Variants in SMCHD1 observed in about 807,000 individuals in gnomAD.
The protein encoded by SMCHD1 is structural maintenance of chromosomes flexible hinge domain containing 1.
Under a neutral mutation model 254.7 loss-of-function variants are expected in SMCHD1, and 78 were observed. The ratio of observed to expected loss-of-function variants is 0.31; its 90% confidence interval spans 0.26 to 0.37. The LOEUF is 0.37. Ranked by LOEUF, SMCHD1 falls within the 10% of genes least tolerant of loss-of-function variation. The pLI, the probability that SMCHD1 is intolerant of heterozygous loss-of-function variation, is 1.00. For synonymous variants in SMCHD1, 766 were observed against 794.9 expected, an observed-to-expected ratio of 0.96 and a Z score of 0.61; for missense variants, 1,840 against 2,408.1, an observed-to-expected ratio of 0.76 and a Z score of 4.94.
At chr18:2,728,326 G>A in intron 22 of SMCHD1, 131 bp from the exon 23 acceptor site, 2 of 840,838 alleles carry the variant, frequency 2.4e-6, no homozygotes, top group Non-Finnish European at 3.7e-6. Context: ...CATGGACATT[G>A]CCTATATTTT....
Position 2,706,312 on chromosome 18 carries a change from C to T in SMCHD1, c.1957-52C>T, listed in dbSNP as rs1052747346. 1.2e-5 allele frequency: 15 copies of T among 1,255,662 alleles called. No individual in the cohort carries two copies. In the South Asian group the frequency reaches 1.9e-4, roughly 16 times the overall value. 77.8% of individuals were successfully genotyped at this position (1,255,662 alleles called of 1,614,324 possible). ...AACAAATGGGTGTTTGTTTTTATTA[C>T]AGCTAGATTTAAATAGTTTTCTTTG... On this transcript the variant is annotated intron_variant, in intron 14 of 47. Coordinates refer to ENST00000320876, the MANE Select transcript of SMCHD1 (RefSeq NM_015295.3).
rs551628519 is a variant in SMCHD1 at position 2,710,403 on chromosome 18, C to T, written c.2260+2483C>T. Among the ~76,000 whole-genome samples, 5 of 152,230 alleles carry T rather than the reference C, an allele frequency of 3.3e-5. 1 individual carries two copies. The highest frequency in any genetic ancestry group is 9.6e-5 in the African/African-American group (4 of 41,544). On this transcript the variant is annotated intron_variant, in intron 17 of 47. Coordinates refer to ENST00000320876, the MANE Select transcript of SMCHD1 (RefSeq NM_015295.3). ...GGAGATTCCCTATGAATGTAGGATGCGTTTTTCTATTTCTGCAGAAAACAC... is the reference window on the plus strand; with the variant it reads ...GGAGATTCCCTATGAATGTAGGATGTGTTTTTCTATTTCTGCAGAAAACAC...
intron 15 of SMCHD1, 157 bp downstream of exon 15, chr18:2,706,627 G>A: frequency 2.2e-6 from 1 of 464,808 alleles, no homozygotes; most frequent in South Asian, 3.8e-5. Flanking sequence ...AAAATTAAGA[G>A]GTCTAGTTAT....
intron 47 of SMCHD1, 52 bp from the exon 48 acceptor site, chr18:2,802,476 G>A (rs2076381154): frequency 2.1e-6 from 3 of 1,455,674 alleles, no homozygotes; most frequent in Admixed American, 2.1e-5. Context: ...GGGAATTCAG[G>A]GAAAGGAAAC....
chr18:2,662,072 T>C (rs2073280900), intron 1 of SMCHD1, among the ~76,000 whole-genome samples: 1 of 141,542 alleles, frequency 7.1e-6, no homozygotes. Flanking sequence ...GGCAGGAGAA[T>C]GGCGTGAACC....
intron 39 of SMCHD1, among the ~76,000 whole-genome samples, 168 bp downstream of exon 39, chr18:2,770,276 GAAGT>G (rs899507840): frequency 1.3e-5 from 2 of 152,176 alleles, no homozygotes; most frequent in African/African-American, 4.8e-5. Flanking sequence ...TTCTTAAGAT[GAAGT>G]ATTTCTTATT....
chr18:2,698,937 G>C (rs1310167097), intron 10 of SMCHD1, among the ~76,000 whole-genome samples: 1 of 151,754 alleles, frequency 6.6e-6, no homozygotes, highest in Non-Finnish European at 1.5e-5. Flanking sequence ...TTTCACTATT[G>C]TTCCTTTTTG....
chr18:2,667,312 C>G (rs2073467730), intron 3 of SMCHD1, among the ~76,000 whole-genome samples: 1 of 152,176 alleles, frequency 6.6e-6, no homozygotes, highest in Non-Finnish European at 1.5e-5. Context: ...CCTGTATACT[C>G]TCTTCTCCTG....
chr18:2,722,584 A>G lies in SMCHD1; in HGVS notation c.2524A>G (p.Asn842Asp). The G allele has an allele frequency of 1.2e-6, 2 of 1,613,360 alleles. No homozygotes were observed. The highest frequency in any genetic ancestry group is 1.7e-6 in the Non-Finnish European group (2 of 1,179,500). Residue 842 changes from asparagine to aspartate, a missense_variant, in exon 20 of 48, where the codon AAT becomes GAT. This residue lies in a region of SMCHD1 where 59 missense variants were observed against 99.2 expected (regional missense o/e 0.59). Coordinates refer to ENST00000320876, the MANE Select transcript of SMCHD1 (RefSeq NM_015295.3). Reference protein sequence around the residue: ...DLPFRVGVPFNIPLEFQDEFG... With the variant: ...DLPFRVGVPFDIPLEFQDEFG... ...TCCTTTTCGTGTTGGAGTTCCATTTAATATCCCTCTGGAGTTTCAGGATGA... is the reference window on the plus strand; with the variant it reads ...TCCTTTTCGTGTTGGAGTTCCATTTGATATCCCTCTGGAGTTTCAGGATGA...
intron 30 of SMCHD1, among the ~76,000 whole-genome samples, chr18:2,748,342 T>TGTGTGTGTGTG (rs2075498296): frequency 3.8e-5 from 3 of 78,462 alleles, no homozygotes; most frequent in African/African-American, 1.7e-4. Context: ...CTTTGCAAAG[T>TGTGTGTGTGTG]TGTGTGTGTG....
Position 2,740,627 on chromosome 18 carries a change from G to A in SMCHD1, c.3515-76G>A, listed in dbSNP as rs521992. On this transcript the variant is annotated intron_variant, in intron 27 of 47. Coordinates refer to ENST00000320876, the MANE Select transcript of SMCHD1 (RefSeq NM_015295.3). ...GAACAAAGAGTAAGTTTCTAAGCAT[G>A]TTTTTATAGTGTATTGTAGATATTT... 256,388 of 659,670 alleles carry A rather than the reference G, an allele frequency of 0.39. 55,189 individuals carry two copies. Among genetic ancestry groups the A allele is most frequent in the Non-Finnish European group, 0.45 (193,480 of 427,326 alleles). 40.9% of individuals were successfully genotyped at this position (659,670 alleles called of 1,614,324 possible).
At chr18:2,716,916 C>T (rs1286520334) in intron 17 of SMCHD1, among the ~76,000 whole-genome samples, 3 of 152,214 alleles carry the variant, frequency 2.0e-5, no homozygotes, top group Admixed American at 2.0e-4. Flanking sequence ...CAGGCCATAC[C>T]CCTCCCAGTC....
At chr18:2,675,264 T>C (rs1363158844) in intron 5 of SMCHD1, among the ~76,000 whole-genome samples, 1 of 142,154 alleles carries the variant, frequency 7.0e-6, no homozygotes, top group Admixed American at 6.9e-5. Context: ...ACCTCAGCCT[T>C]TTTTTTTTTT....
chr18:2,752,725 A>AT, intron 34 of SMCHD1, 173 bp downstream of exon 34: 1 of 541,510 alleles, frequency 1.8e-6, no homozygotes, highest in Non-Finnish European at 3.3e-6. Flanking sequence ...GTTTTTAAGC[A>AT]TTAAATTGGT....
intron 45 of SMCHD1, among the ~76,000 whole-genome samples, chr18:2,795,205 C>T (rs1010584891): frequency 1.3e-5 from 2 of 152,122 alleles, no homozygotes; most frequent in Non-Finnish European, 2.9e-5. Context: ...AGGTGCCCGC[C>T]ACCATGCCCA....
chr18:2,722,836 CAT>C (rs1218451067), intron 20 of SMCHD1, among the ~76,000 whole-genome samples, 173 bp downstream of exon 20: 4 of 152,034 alleles, frequency 2.6e-5, no homozygotes, highest in Non-Finnish European at 5.9e-5. Flanking sequence ...TGACTAGTGT[CAT>C]ATATAAATTG....
chr18:2,701,162 TTG>T, intron 12 of SMCHD1: 17 of 259,354 alleles, frequency 6.6e-5, no homozygotes, highest in Non-Finnish European at 8.4e-5. Context: ...TTAGTTTTTT[TTG>T]TTTTTTTTTT....
chr18:2,797,117 C>CA (rs1189965269), intron 47 of SMCHD1, among the ~76,000 whole-genome samples: 1 of 152,154 alleles, frequency 6.6e-6, no homozygotes, highest in East Asian at 1.9e-4. Context: ...TGGCTCATTG[C>CA]ATTCTCTTTC....
In SMCHD1 at chr18:2,687,133, G is replaced by A. The variant is rs117609834; in HGVS notation, c.639-1261G>A. Among the ~76,000 whole-genome samples, 117 of 152,222 alleles carry A rather than the reference G, an allele frequency of 7.7e-4. 2 individuals carry two copies. In the East Asian group the frequency reaches 0.02, roughly 26 times the overall value. On this transcript the variant is annotated intron_variant, in intron 5 of 47. Transcript: ENST00000320876. ...ACTCCCTTCCTGAAATGACACTTTT[G>A]TTATTGAAGGTATTTAAAGTGTGAC...
Sources: gnomAD v4.1 joint callset for allele counts (sites outside exome capture counted in the v4.1 genomes callset) on GRCh38, gnomAD v4.1.1 for gene constraint, gnomAD v4.1.1 regional missense constraint, MANE v1.5 for transcripts, NCBI Gene and HGNC (gene_info 2026-07-23, HGNC 2026-07-21) for gene names.